Variants in RGS8 observed in about 807,000 individuals in gnomAD.
RGS8 encodes regulator of G-protein signaling 8.
A neutral mutation model predicts 21.7 loss-of-function variants in RGS8; 8 were observed. The observed-to-expected ratio is 0.37, with a 90% CI of 0.22 to 0.66. The LOEUF (loss-of-function observed/expected upper bound fraction) is 0.66, where lower values mean the gene tolerates loss of function less well. RGS8 is among the 30% of genes least tolerant of loss of function. The probability of loss-of-function intolerance (pLI) is 0.59; values close to 1 mark genes in which losing one functional copy is unlikely to be tolerated. For synonymous variants in RGS8, 80 were observed against 83.6 expected, an observed-to-expected ratio of 0.96 and a Z score of 0.24; for missense variants, 157 against 217.9, an observed-to-expected ratio of 0.72 and a Z score of 1.76.
the RGS8 span, among the ~76,000 whole-genome samples, chr1:182,693,013 A>C: frequency 6.6e-6 from 1 of 152,198 alleles, no homozygotes; most frequent in Admixed American, 6.5e-5. Flanking sequence ...AAAACCTAAA[A>C]CTATAACCAC....
chr1:182,721,078 TAC>T, the RGS8 span, among the ~76,000 whole-genome samples: 2 of 108,292 alleles, frequency 1.8e-5, no homozygotes, highest in East Asian at 2.6e-4. Context: ...TATACATATA[TAC>T]ACATATATAT....
At chr1:182,742,522 C>A in the RGS8 span, among the ~76,000 whole-genome samples, 2 of 152,342 alleles carry the variant, frequency 1.3e-5, no homozygotes, top group East Asian at 1.9e-4. Context: ...GGATCACTCG[C>A]GGTTAGGAGC....
chr1:182,665,855 C>A (rs911441305), intron 5 of RGS8, 114 bp downstream of exon 6: 2 of 788,890 alleles, frequency 2.5e-6, no homozygotes, highest in Non-Finnish European at 4.2e-6. Flanking sequence ...GAGCGGGGCC[C>A]ACAGAGGTCT....
At chr1:182,694,549 G>A in the RGS8 span, among the ~76,000 whole-genome samples, 21 of 152,204 alleles carry the variant, frequency 1.4e-4, no homozygotes, top group African/African-American at 4.8e-4. Flanking sequence ...GCTTACGCCC[G>A]TAATCCCAGC....
chr1:182,672,506 C>CA (rs1285442947), upstream of RGS8, among the ~76,000 whole-genome samples: 1 of 152,144 alleles, frequency 6.6e-6, no homozygotes, highest in Non-Finnish European at 1.5e-5. Flanking sequence ...CCTTACTCTA[C>CA]AGAGGCATTT....
the RGS8 span, among the ~76,000 whole-genome samples, chr1:182,716,557 T>C: frequency 6.6e-6 from 1 of 152,080 alleles, no homozygotes; most frequent in African/African-American, 2.4e-5. Context: ...GCCAAGTGTA[T>C]ACATTTTTAA....
At chr1:182,730,975 G>A in the RGS8 span, among the ~76,000 whole-genome samples, 108 of 152,222 alleles carry the variant, frequency 7.1e-4, 1 homozygote, top group Middle Eastern at 0.014. Flanking sequence ...AAGACTAAAG[G>A]GTTAGAGAAA....
intron 1 of RGS8, among the ~76,000 whole-genome samples, chr1:182,683,890 T>C (rs1193682191): frequency 6.6e-6 from 1 of 152,234 alleles, no homozygotes; most frequent in Non-Finnish European, 1.5e-5. Flanking sequence ...TTCTGTGTGC[T>C]GCCAGACTGC....
the RGS8 span, among the ~76,000 whole-genome samples, chr1:182,713,812 G>A: frequency 6.6e-6 from 1 of 152,282 alleles, no homozygotes; most frequent in African/African-American, 2.4e-5. Context: ...TTGCCTGTTT[G>A]AAAAACACCA....
At chr1:182,660,009 A>C (rs1663507780) in intron 5 of RGS8, among the ~76,000 whole-genome samples, 1 of 152,172 alleles carries the variant, frequency 6.6e-6, no homozygotes, top group African/African-American at 2.4e-5. Flanking sequence ...CCACAAACTC[A>C]AGCTGCCTGT....
chr1:182,727,625 G>A, the RGS8 span, among the ~76,000 whole-genome samples: 3 of 152,104 alleles, frequency 2.0e-5, no homozygotes, highest in Middle Eastern at 3.4e-3. Context: ...GTGCATTTTC[G>A]AACACCAAAT....
chr1:182,731,137 A>G, the RGS8 span, among the ~76,000 whole-genome samples: 2 of 152,234 alleles, frequency 1.3e-5, no homozygotes, highest in South Asian at 2.1e-4. Context: ...TCCCAAGCAT[A>G]GGCACTAATT....
chr1:182,743,161 G>A, the RGS8 span, among the ~76,000 whole-genome samples: 2 of 152,154 alleles, frequency 1.3e-5, no homozygotes, highest in South Asian at 2.1e-4. Context: ...AGTACAAAGA[G>A]CATGGGATTT....
the RGS8 span, among the ~76,000 whole-genome samples, chr1:182,744,342 G>A: frequency 6.6e-6 from 1 of 151,992 alleles, no homozygotes; most frequent in Non-Finnish European, 1.5e-5. Flanking sequence ...CCAGGCTGGT[G>A]TTGAACTCCT....
the RGS8 span, among the ~76,000 whole-genome samples, chr1:182,706,077 G>T: frequency 6.6e-6 from 1 of 152,002 alleles, no homozygotes; most frequent in Non-Finnish European, 1.5e-5. Context: ...CTGCCTCCTG[G>T]GCTCAAGTAA....
chr1:182,741,342 G>T, the RGS8 span, among the ~76,000 whole-genome samples: 4 of 130,620 alleles, frequency 3.1e-5, no homozygotes, highest in Non-Finnish European at 4.9e-5. Context: ...GGACGGGGCG[G>T]CTGGCCGGGC....
the RGS8 span, among the ~76,000 whole-genome samples, chr1:182,717,500 C>A: frequency 6.6e-6 from 1 of 152,220 alleles, no homozygotes; most frequent in Non-Finnish European, 1.5e-5. Flanking sequence ...ATTATGTCAT[C>A]ATTTCAGCTC....
the RGS8 span, among the ~76,000 whole-genome samples, chr1:182,703,960 A>C: frequency 1.1e-4 from 16 of 152,240 alleles, no homozygotes; most frequent in African/African-American, 3.6e-4. Context: ...AGGAAATATA[A>C]AGTTGAAATG....
chr1:182,667,825 C>T (rs1663946749), intron 3 of RGS8, among the ~76,000 whole-genome samples: 1 of 152,044 alleles, frequency 6.6e-6, no homozygotes, highest in Non-Finnish European at 1.5e-5. Flanking sequence ...CTCCGTTTAC[C>T]ACTTTACCTT....
Sources: gnomAD v4.1 joint callset for allele counts (sites outside exome capture counted in the v4.1 genomes callset) on GRCh38, gnomAD v4.1.1 for gene constraint, MANE v1.5 for transcripts, NCBI Gene and HGNC (gene_info 2026-07-23, HGNC 2026-07-21) for gene names.